The following IGSF21 variants were observed in gnomAD, a reference collection of about 807,000 sequenced individuals.
IGSF21 encodes the protein immunoglobulin superfamily member 21.
A neutral mutation model predicts 46.8 loss-of-function variants in IGSF21; 28 were observed. The observed-to-expected ratio is 0.60, with a 90% confidence interval of 0.44 to 0.82. IGSF21 has a LOEUF of 0.82. IGSF21 is among the 40% of genes least tolerant of loss of function. The pLI, the probability that IGSF21 is intolerant of heterozygous loss-of-function variation, is 0.00. For synonymous variants in IGSF21, 284 were observed against 273.6 expected, an observed-to-expected ratio of 1.04 and a Z score of -0.38; for missense variants, 624 against 665.5, an observed-to-expected ratio of 0.94 and a Z score of 0.69.
intron 1 of IGSF21, among the ~76,000 whole-genome samples, chr1:18,156,529 T>A (rs1362146813): frequency 6.6e-6 from 1 of 152,150 alleles, no homozygotes; most frequent in African/African-American, 2.4e-5. Flanking sequence ...ACTGTCCCCG[T>A]CCCCAGCCCC....
intron 1 of IGSF21, among the ~76,000 whole-genome samples, chr1:18,198,824 T>A (rs866885779): frequency 6.6e-6 from 1 of 152,078 alleles, no homozygotes; most frequent in African/African-American, 2.4e-5. Context: ...GTTTTGAGGA[T>A]CTAATAAGGT....
At chr1:18,125,523 C>T (rs1570246745) in intron 1 of IGSF21, among the ~76,000 whole-genome samples, 1 of 152,252 alleles carries the variant, frequency 6.6e-6, no homozygotes, top group Admixed American at 6.5e-5. Flanking sequence ...CTGATTAAAG[C>T]TGGCAGAGCC....
At chr1:18,364,725 C>T (rs1178816171) in intron 5 of IGSF21, among the ~76,000 whole-genome samples, 1 of 152,114 alleles carries the variant, frequency 6.6e-6, no homozygotes, top group Non-Finnish European at 1.5e-5. Context: ...CCAAAACGCA[C>T]ACGCACAGAG....
At chr1:18,209,107 A>T (rs1032080895) in intron 1 of IGSF21, among the ~76,000 whole-genome samples, 2 of 152,222 alleles carry the variant, frequency 1.3e-5, no homozygotes, top group Admixed American at 1.3e-4. Flanking sequence ...ATAAGTAAAA[A>T]TGCATCGAGT....
intron 4 of IGSF21, among the ~76,000 whole-genome samples, chr1:18,353,010 A>T (rs1016108457): frequency 1.3e-5 from 2 of 152,018 alleles, no homozygotes; most frequent in African/African-American, 4.8e-5. Context: ...GGCCGCTTTC[A>T]AGTTTGGGGG....
At chr1:18,286,929 C>A (rs530656112) in intron 2 of IGSF21, among the ~76,000 whole-genome samples, 2 of 152,298 alleles carry the variant, frequency 1.3e-5, no homozygotes, top group African/African-American at 2.4e-5. Flanking sequence ...CGCCTGTAAT[C>A]CCAGCACTTT....
intron 1 of IGSF21, among the ~76,000 whole-genome samples, chr1:18,169,571 C>A (rs535832470): frequency 1.5e-4 from 23 of 152,318 alleles, no homozygotes; most frequent in African/African-American, 5.1e-4. Context: ...GTGAGGATGG[C>A]GGCACAGGTG....
chr1:18,155,924 T>C (rs2027529), intron 1 of IGSF21, among the ~76,000 whole-genome samples: 4,123 of 152,294 alleles, frequency 0.027, 170 homozygotes, highest in African/African-American at 0.093. Flanking sequence ...TTGATTAAAG[T>C]TGTACATGTT....
intron 1 of IGSF21, among the ~76,000 whole-genome samples, chr1:18,139,716 T>C (rs1557553322): frequency 2.0e-5 from 3 of 152,140 alleles, no homozygotes; most frequent in South Asian, 2.1e-4. Flanking sequence ...ATCTGTGAGA[T>C]GGGGTTAATA....
intron 3 of IGSF21, among the ~76,000 whole-genome samples, chr1:18,293,926 C>G (rs1396927306): frequency 1.3e-5 from 2 of 152,194 alleles, no homozygotes; most frequent in Non-Finnish European, 2.9e-5. Flanking sequence ...CTTCCTGGAG[C>G]CTCAAGGGCA....
At chr1:18,360,410 A>C (rs1397685091) in intron 4 of IGSF21, among the ~76,000 whole-genome samples, 1 of 152,136 alleles carries the variant, frequency 6.6e-6, no homozygotes, top group Non-Finnish European at 1.5e-5. Flanking sequence ...TAGGCCTTGA[A>C]ATAGAGTTGC....
In IGSF21 at chr1:18,161,175, CCAGCCT is replaced by C. The variant is rs1303788301; in HGVS notation, c.70+52985_70+52990del. ...TCGGCCCTCTCCCGTTTTAGCACGG[CCAGCCT>C]CAGCCTCCTTTCTCCACAGAGTCCC... On this transcript the variant is annotated intron_variant, in intron 1 of 9. Transcript: ENST00000251296. Among the ~76,000 whole-genome samples the C allele has an allele frequency of 2.6e-5, 4 of 152,280 alleles. No homozygotes were observed. In the South Asian group the frequency reaches 8.3e-4, roughly 32 times the overall value.
chr1:18,304,580 A>G (rs1245035376), intron 3 of IGSF21, among the ~76,000 whole-genome samples: 1 of 152,212 alleles, frequency 6.6e-6, no homozygotes, highest in Admixed American at 6.5e-5. Flanking sequence ...AACTGTTTCC[A>G]TTCCACAGTG....
chr1:18,336,026 G>A (rs2085762680), intron 4 of IGSF21, among the ~76,000 whole-genome samples: 1 of 152,160 alleles, frequency 6.6e-6, no homozygotes, highest in East Asian at 1.9e-4. Flanking sequence ...AGGGAACCTA[G>A]GAGGGACAGA....
At chr1:18,276,939 A>G (rs1239241299) in intron 2 of IGSF21, among the ~76,000 whole-genome samples, 1 of 152,192 alleles carries the variant, frequency 6.6e-6, no homozygotes, top group African/African-American at 2.4e-5. Context: ...GAACTTTTAT[A>G]TAACTCATCT....
chr1:18,297,666 T>C (rs1051285468), intron 3 of IGSF21, among the ~76,000 whole-genome samples: 3 of 152,158 alleles, frequency 2.0e-5, no homozygotes, highest in African/African-American at 7.2e-5. Flanking sequence ...ACATATAAAA[T>C]GGCACAGCAT....
chr1:18,303,912 G>T (rs183160164), intron 3 of IGSF21, among the ~76,000 whole-genome samples: 11 of 152,318 alleles, frequency 7.2e-5, no homozygotes, highest in Non-Finnish European at 1.3e-4. Flanking sequence ...GAACATCCTT[G>T]GTCATTAGAG....
chr1:18,357,833 T>C (rs939010535), intron 4 of IGSF21, among the ~76,000 whole-genome samples: 2 of 151,916 alleles, frequency 1.3e-5, no homozygotes, highest in African/African-American at 4.8e-5. Flanking sequence ...TGGGAGTATA[T>C]TGATGGGGAG....
At chr1:18,131,783 A>G (rs192928086) in intron 1 of IGSF21, among the ~76,000 whole-genome samples, 15 of 152,284 alleles carry the variant, frequency 9.9e-5, no homozygotes, top group Admixed American at 4.6e-4. Flanking sequence ...GGAAGAGGAA[A>G]GGTAGAGGAC....
Sources: gnomAD v4.1 joint callset for allele counts (sites outside exome capture counted in the v4.1 genomes callset) on GRCh38, gnomAD v4.1.1 for gene constraint, MANE v1.5 for transcripts, NCBI Gene and HGNC (gene_info 2026-07-23, HGNC 2026-07-21) for gene names.